The following DCHS2 variants were observed in gnomAD, a reference collection of about 807,000 sequenced individuals.
The protein encoded by DCHS2 is protocadherin-23.
A neutral mutation model predicts 182.4 loss-of-function variants in DCHS2; 142 were observed. That is an observed-to-expected ratio of 0.78 (90% CI 0.68 to 0.89). DCHS2 has a LOEUF of 0.89. DCHS2 is among the 40% of genes least tolerant of loss of function. The pLI, the probability that DCHS2 is intolerant of heterozygous loss-of-function variation, is 0.00. For synonymous variants in DCHS2, 1,740 were observed against 1,663.3 expected (o/e 1.05, Z -1.12); for missense variants, 4,319 against 4,198.6 (o/e 1.03, Z -0.79).
At chr4:154,453,783 C>G (rs750624980) in intron 1 of DCHS2, among the ~76,000 whole-genome samples, 26 of 152,158 alleles carry the variant, frequency 1.7e-4, no homozygotes, top group Admixed American at 9.2e-4. Context: ...CAATGAATCT[C>G]TTGCCTATCT....
chr4:154,344,774 T>C (rs938742435), intron 3 of DCHS2, among the ~76,000 whole-genome samples: 1 of 152,172 alleles, frequency 6.6e-6, no homozygotes, highest in Non-Finnish European at 1.5e-5. Flanking sequence ...GGCATCCCTG[T>C]GCAGCTGAGA....
At chr4:154,404,292 T>A (rs1579051669) in intron 1 of DCHS2, among the ~76,000 whole-genome samples, 1 of 152,338 alleles carries the variant, frequency 6.6e-6, no homozygotes, top group South Asian at 2.1e-4. Context: ...TAGAGGAGTA[T>A]TGATTGATTT....
intron 1 of DCHS2, among the ~76,000 whole-genome samples, chr4:154,419,196 G>T (rs1247145677): frequency 2.0e-5 from 3 of 152,096 alleles, no homozygotes; most frequent in Non-Finnish European, 2.9e-5. Context: ...TGTATTCTTG[G>T]GTAATTCAAA....
At chr4:154,259,798 T>G in intron 14 of DCHS2, 42 bp from the exon 15 acceptor site, 1 of 1,525,604 alleles carries the variant, frequency 6.6e-7, no homozygotes, top group Non-Finnish European at 8.8e-7. Context: ...AATGATGTTG[T>G]AGTTATTCTT....
At position 154,246,348 on chromosome 4, in the gene DCHS2, C is replaced by G. The variant is rs532934593; in HGVS notation, c.6942-3576G>C. Among the ~76,000 whole-genome samples the G allele has an allele frequency of 1.2e-4, 18 of 152,172 alleles. No homozygotes were observed. The South Asian group carries it at 3.7e-3, about 32-fold the overall frequency. ...AGACCTTCTCTGGAGAACTGAAAGT[C>G]CCCTCCCAAAGAAAAGTGAACTCCA... On this transcript the variant is annotated intron_variant, in intron 16 of 19. Coordinates refer to ENST00000357232, the MANE Select transcript of DCHS2 (RefSeq NM_001358235.2).
At chr4:154,454,177 T>G (rs1734663260) in intron 1 of DCHS2, among the ~76,000 whole-genome samples, 1 of 152,034 alleles carries the variant, frequency 6.6e-6, no homozygotes, top group Admixed American at 6.5e-5. Context: ...GATATCGATG[T>G]ACTCAGCATA....
chr4:154,445,118 T>C (rs542393245), intron 1 of DCHS2, among the ~76,000 whole-genome samples: 17 of 152,294 alleles, frequency 1.1e-4, no homozygotes, highest in African/African-American at 4.1e-4. Flanking sequence ...CTCATACATT[T>C]GTCACTATGC....
intron 1 of DCHS2, among the ~76,000 whole-genome samples, chr4:154,392,802 C>G (rs564210191): frequency 7.1e-4 from 108 of 152,246 alleles, no homozygotes; most frequent in African/African-American, 2.5e-3. Flanking sequence ...TTTATAAAGA[C>G]TTACAGGAAA....
intron 3 of DCHS2, chr4:154,355,767 T>A (rs971370590): frequency 6.6e-6 from 1 of 152,150 alleles, no homozygotes; most frequent in Non-Finnish European, 1.5e-5. Context: ...CTTAATAATG[T>A]CATAATAGTC....
In DCHS2 at chr4:154,256,048, A is replaced by C. The variant is rs74995509; in HGVS notation, c.6790-378T>G. On this transcript the variant is annotated intron_variant, in intron 15 of 19. Transcript: ENST00000357232. ...AAAAAATGTTATGGGAAATCTCCAC[A>C]TAGTGATAATTTTTTTTTCATTTGC... 8.0e-3 allele frequency among the ~76,000 whole-genome samples: 1,225 copies of C among 152,346 alleles called. 11 individuals are homozygous for C. The highest frequency in any genetic ancestry group is 0.028 in the African/African-American group (1,174 of 41,566).
In DCHS2 at chr4:154,459,812, C is replaced by T. The variant is rs1449899435; in HGVS notation, c.2052+29492G>A. ...TCTATCTCCCTCTCTTTCTCTCGCTCATGGTTTCCAACTTACAAAACCCAA... is the reference window on the plus strand; with the variant it reads ...TCTATCTCCCTCTCTTTCTCTCGCTTATGGTTTCCAACTTACAAAACCCAA... On this transcript the variant is annotated intron_variant, in intron 1 of 19. Coordinates refer to ENST00000357232, the MANE Select transcript of DCHS2 (RefSeq NM_001358235.2). Among the ~76,000 whole-genome samples, 14 of 151,526 alleles carry T rather than the reference C, an allele frequency of 9.2e-5. 3 individuals carry two copies. Among genetic ancestry groups the T allele is most frequent in the African/African-American group, 4.9e-5 (2 of 41,224 alleles).
At chr4:154,295,421 A>T (rs886984361) in intron 13 of DCHS2, among the ~76,000 whole-genome samples, 15 of 152,358 alleles carry the variant, frequency 9.8e-5, no homozygotes, top group Admixed American at 3.9e-4. Flanking sequence ...CTCTTTCATT[A>T]TCATAGGAAT....
chr4:154,255,709 C>T, intron 15 of DCHS2, 39 bp from the exon 16 acceptor site: 1 of 1,595,578 alleles, frequency 6.3e-7, no homozygotes, highest in Non-Finnish European at 8.5e-7. Context: ...AAGATTTATT[C>T]TGCAATATGG....
rs563198977 is a variant in DCHS2 at position 154,377,220 on chromosome 4, T to C, written c.2244+33A>G. The stretch of plus-strand genomic sequence containing the variant: ...ATACACAGTGGCTCACTTGTGATTA[T>C]GTTTAAAATAAACTTCATACATAAA... On this transcript the variant is annotated intron_variant, in intron 2 of 19. Transcript: ENST00000357232. 3.8e-6 allele frequency: 6 copies of C among 1,596,068 alleles called. No homozygotes were observed. The African/African-American group carries it at 5.4e-5, about 14-fold the overall frequency.
chr4:154,246,414 TC>T, intron 16 of DCHS2, among the ~76,000 whole-genome samples: 1 of 152,110 alleles, frequency 6.6e-6, no homozygotes, highest in Non-Finnish European at 1.5e-5. Context: ...ATAGTCGACT[TC>T]CCCTGTGGTA....
At chr4:154,378,867 C>T (rs1366467055) in intron 1 of DCHS2, among the ~76,000 whole-genome samples, 1 of 152,132 alleles carries the variant, frequency 6.6e-6, no homozygotes, top group African/African-American at 2.4e-5. Flanking sequence ...CCTGACCTTC[C>T]TCTGATGCAG....
intron 1 of DCHS2, among the ~76,000 whole-genome samples, chr4:154,392,358 G>A (rs1731745895): frequency 6.6e-6 from 1 of 152,122 alleles, no homozygotes; most frequent in Non-Finnish European, 1.5e-5. Flanking sequence ...TCTTCCCAGT[G>A]GAAGGATGCA....
intron 13 of DCHS2, among the ~76,000 whole-genome samples, chr4:154,292,204 C>A (rs1734700270): frequency 6.6e-6 from 1 of 152,122 alleles, no homozygotes; most frequent in Non-Finnish European, 1.5e-5. Context: ...AATACCCAAA[C>A]CTGTTTCTGC....
chr4:154,339,869 C>T (rs1029681571), intron 3 of DCHS2, among the ~76,000 whole-genome samples: 4 of 152,044 alleles, frequency 2.6e-5, no homozygotes, highest in Admixed American at 6.6e-5. Context: ...AATACATATA[C>T]GATGTGTATA....
Sources: gnomAD v4.1 joint callset for allele counts (sites outside exome capture counted in the v4.1 genomes callset) on GRCh38, gnomAD v4.1.1 for gene constraint, MANE v1.5 for transcripts, NCBI Gene and HGNC (gene_info 2026-07-23, HGNC 2026-07-21) for gene names.